The following SNTG1 variants were observed in gnomAD, a reference collection of about 807,000 sequenced individuals.
SNTG1 encodes syntrophin gamma 1, also known as gamma-1-syntrophin.
In SNTG1, 39 loss-of-function variants were observed where a neutral mutation model predicts 74.7. The observed-to-expected ratio is 0.52, with a 90% CI of 0.40 to 0.68. The LOEUF (loss-of-function observed/expected upper bound fraction) is 0.68, where lower values mean the gene tolerates loss of function less well. Ranked by LOEUF, SNTG1 falls within the 30% of genes least tolerant of loss-of-function variation. SNTG1 has a pLI of 0.00. For synonymous variants in SNTG1, 254 were observed against 217.1 expected (o/e 1.17, Z -1.49); for missense variants, 685 against 609.5 (o/e 1.12, Z -1.30).
intron 8 of SNTG1, among the ~76,000 whole-genome samples, chr8:50,476,070 G>A (rs114426681): frequency 0.011 from 1,658 of 152,094 alleles, 36 homozygotes; most frequent in African/African-American, 0.037. Flanking sequence ...CTACCCACCC[G>A]TTAGACACTT....
chr8:49,916,878 T>C (rs2129338586), intron 1 of SNTG1, among the ~76,000 whole-genome samples: 1 of 151,614 alleles, frequency 6.6e-6, no homozygotes, highest in East Asian at 1.9e-4. Context: ...AAAAAAATAA[T>C]ATCTGGGTGT....
intron 1 of SNTG1, among the ~76,000 whole-genome samples, chr8:49,990,680 A>G (rs1371689807): frequency 6.6e-6 from 1 of 152,120 alleles, no homozygotes; most frequent in Non-Finnish European, 1.5e-5. Flanking sequence ...ATCTATTTTC[A>G]ATTTGTGCAC....
intron 17 of SNTG1, among the ~76,000 whole-genome samples, chr8:50,737,853 T>A (rs1424762682): frequency 6.6e-6 from 1 of 152,088 alleles, no homozygotes; most frequent in African/African-American, 2.4e-5. Flanking sequence ...TCAATAAAAT[T>A]CAACACCCTT....
intron 17 of SNTG1, among the ~76,000 whole-genome samples, chr8:50,713,439 C>G (rs1037463599): frequency 6.6e-6 from 1 of 152,102 alleles, no homozygotes; most frequent in Non-Finnish European, 1.5e-5. Flanking sequence ...AAATTTTCTC[C>G]CATTCTATAG....
At chr8:50,144,460 CCAGCTGCATA>C (rs1475726532) in intron 1 of SNTG1, among the ~76,000 whole-genome samples, 1 of 152,108 alleles carries the variant, frequency 6.6e-6, no homozygotes, top group African/African-American at 2.4e-5. Context: ...TGAGGAGGAG[CCAGCTGCATA>C]CAGATTTTCA....
At chr8:50,304,934 C>T (rs1260086826) in intron 2 of SNTG1, among the ~76,000 whole-genome samples, 1 of 151,994 alleles carries the variant, frequency 6.6e-6, no homozygotes, top group East Asian at 1.9e-4. Flanking sequence ...GAGACTCACT[C>T]TCTTTTTGCC....
rs1208261248 is a variant in SNTG1, at chr8:50,003,505, A to ATT, written c.-103+91275_-103+91276insTT. 2.4e-3 allele frequency among the ~76,000 whole-genome samples: 365 copies of ATT among 152,268 alleles called. 4 individuals carry two copies. Among genetic ancestry groups the ATT allele is most frequent in the African/African-American group, 8.3e-3 (344 of 41,572 alleles). The stretch of plus-strand genomic sequence containing the variant: ...CATTCTACTTTATTTAATTTAAAAG[A>ATT]TAAATTTAAATTTAAGAATAGAAGG... On this transcript the variant is annotated intron_variant, in intron 1 of 18. Transcript: ENST00000642720.
intron 1 of SNTG1, among the ~76,000 whole-genome samples, chr8:50,109,314 G>A (rs1173256368): frequency 6.6e-6 from 1 of 152,178 alleles, no homozygotes; most frequent in Admixed American, 6.6e-5. Context: ...TAATTCATGA[G>A]AATTTTTTAG....
At chr8:50,774,493 T>C (rs2095635020) in intron 18 of SNTG1, among the ~76,000 whole-genome samples, 1 of 151,816 alleles carries the variant, frequency 6.6e-6, no homozygotes, top group African/African-American at 2.4e-5. Context: ...TAAGAGGTTC[T>C]TATTTAGTGA....
At chr8:50,666,050 G>C (rs1438599845) in intron 15 of SNTG1, among the ~76,000 whole-genome samples, 2 of 152,086 alleles carry the variant, frequency 1.3e-5, no homozygotes, top group Non-Finnish European at 1.5e-5. Context: ...CAAAATAGCA[G>C]GTTCATGACA....
At chr8:50,525,431 G>A (rs2094212200) in intron 9 of SNTG1, among the ~76,000 whole-genome samples, 1 of 151,994 alleles carries the variant, frequency 6.6e-6, no homozygotes, top group Non-Finnish European at 1.5e-5. Context: ...CCAGATTTGG[G>A]ACATTTTTGA....
chr8:50,382,963 G>A (rs1221855832), intron 2 of SNTG1, among the ~76,000 whole-genome samples: 2 of 152,118 alleles, frequency 1.3e-5, no homozygotes, highest in African/African-American at 4.8e-5. Flanking sequence ...TGCTTTTAGG[G>A]CCTTTCAGTG....
intron 4 of SNTG1, among the ~76,000 whole-genome samples, chr8:50,415,070 A>G (rs2092998027): frequency 6.6e-6 from 1 of 152,200 alleles, no homozygotes; most frequent in Non-Finnish European, 1.5e-5. Context: ...CTGGATGAGT[A>G]ATTTGAGCTG....
intron 18 of SNTG1, among the ~76,000 whole-genome samples, chr8:50,783,031 C>T (rs1052269135): frequency 7.2e-5 from 11 of 152,106 alleles, no homozygotes; most frequent in Admixed American, 4.6e-4. Flanking sequence ...TTTCATGAAC[C>T]GCAAATGCTG....
At chr8:50,181,152 T>C (rs1400506483) in intron 2 of SNTG1, among the ~76,000 whole-genome samples, 2 of 152,152 alleles carry the variant, frequency 1.3e-5, no homozygotes, top group African/African-American at 4.8e-5. Flanking sequence ...GTCTGAACTG[T>C]GCTCTCCAGG....
intron 2 of SNTG1, among the ~76,000 whole-genome samples, chr8:50,218,321 T>C (rs902290025): frequency 6.8e-6 from 1 of 147,386 alleles, no homozygotes; most frequent in African/African-American, 2.7e-5. Context: ...TCCTCAATCA[T>C]TGTAAAAATT....
chr8:50,310,455 A>G (rs561796407), intron 2 of SNTG1, among the ~76,000 whole-genome samples: 22 of 152,258 alleles, frequency 1.4e-4, no homozygotes, highest in African/African-American at 5.1e-4. Context: ...TTGGGAGGTC[A>G]AGGTGGATGG....
chr8:50,705,679 C>G (rs187161653), intron 16 of SNTG1, among the ~76,000 whole-genome samples: 1 of 152,106 alleles, frequency 6.6e-6, no homozygotes, highest in African/African-American at 2.4e-5. Flanking sequence ...CATGTGCCAA[C>G]CAAAGTCCAG....
At chr8:50,318,354 G>A (rs892461268) in intron 2 of SNTG1, among the ~76,000 whole-genome samples, 1 of 152,072 alleles carries the variant, frequency 6.6e-6, no homozygotes, top group Non-Finnish European at 1.5e-5. Context: ...AAAAAGCATC[G>A]GTATTTCTTT....
Sources: gnomAD v4.1 joint callset for allele counts (sites outside exome capture counted in the v4.1 genomes callset) on GRCh38, gnomAD v4.1.1 for gene constraint, MANE v1.5 for transcripts, NCBI Gene and HGNC (gene_info 2026-07-23, HGNC 2026-07-21) for gene names.